Variants in COX7B2 observed in about 807,000 individuals in gnomAD.
The protein encoded by COX7B2 is cytochrome c oxidase subunit 7B2, mitochondrial.
For missense variants in COX7B2, 109 were observed against 95.9 expected, an observed-to-expected ratio of 1.14 and a Z score of -0.57; for synonymous variants, 37 against 32.1, an observed-to-expected ratio of 1.15 and a Z score of -0.51.
At chr4:46,796,199 T>A (rs1375184733) in intron 2 of COX7B2, among the ~76,000 whole-genome samples, 3 of 144,702 alleles carry the variant, frequency 2.1e-5, no homozygotes, top group African/African-American at 8.2e-5. Context: ...TATTTCCTTC[T>A]CCTGCCTGAT....
In COX7B2 at chr4:46,805,313, C is replaced by A. The variant is rs532685181; in HGVS notation, c.-50+39647G>T. Among the ~76,000 whole-genome samples the A allele has an allele frequency of 3.3e-5, 5 of 152,364 alleles. No homozygotes were observed. The South Asian group carries it at 1.0e-3, about 32-fold the overall frequency. ...TCAAGGCCGAGGAGGTGCCGAGAGC[C>A]AGCCAGGGCTGTGAGGGCTGCCAGC... On this transcript the variant is annotated intron_variant, in intron 2 of 2. Coordinates refer to ENST00000355591, the MANE Select transcript of COX7B2 (RefSeq NM_130902.3).
At chr4:46,901,871 G>C (rs1377921400) in intron 1 of COX7B2, among the ~76,000 whole-genome samples, 2 of 152,186 alleles carry the variant, frequency 1.3e-5, no homozygotes, top group African/African-American at 4.8e-5. Flanking sequence ...TTGGGTATTA[G>C]AGTGGAAGTT....
intron 1 of COX7B2, among the ~76,000 whole-genome samples, chr4:46,850,408 G>A (rs924945590): frequency 3.3e-5 from 5 of 152,024 alleles, no homozygotes; most frequent in African/African-American, 1.2e-4. Flanking sequence ...AAGCTGGTGA[G>A]CATTTTCAAG....
intron 2 of COX7B2, among the ~76,000 whole-genome samples, chr4:46,832,184 C>G (rs988153019): frequency 6.6e-6 from 1 of 152,158 alleles, no homozygotes; most frequent in Non-Finnish European, 1.5e-5. Flanking sequence ...CTACTGCTAA[C>G]TCTTTGGGTC....
intron 1 of COX7B2, among the ~76,000 whole-genome samples, chr4:46,861,397 C>T (rs1006028860): frequency 1.3e-5 from 2 of 152,120 alleles, no homozygotes; most frequent in Non-Finnish European, 2.9e-5. Context: ...ACGGAGATTT[C>T]GCTAGACTTA....
intron 1 of COX7B2, among the ~76,000 whole-genome samples, chr4:46,883,863 C>T (rs985060228): frequency 6.6e-6 from 1 of 151,684 alleles, no homozygotes; most frequent in African/African-American, 2.4e-5. Context: ...AAGTTTCAAA[C>T]ATTATCTTGT....
rs142094356 is a variant in COX7B2 at position 46,741,012 on chromosome 4, T to C, written c.-49-5771A>G. 2.8e-3 allele frequency among the ~76,000 whole-genome samples: 432 copies of C among 152,214 alleles called. 2 individuals are homozygous for C. The highest frequency in any genetic ancestry group is 0.01 in the African/African-American group (418 of 41,566). ...TGTGCCACAGAAAGGCAGGTTTAGA[T>C]GCCTGAGTAGAAGGGGGAGGCATCT... On this transcript the variant is annotated intron_variant, in intron 2 of 2. Transcript: ENST00000355591.
chr4:46,829,601 A>G (rs1159321339), intron 2 of COX7B2, among the ~76,000 whole-genome samples: 1 of 152,222 alleles, frequency 6.6e-6, no homozygotes, highest in African/African-American at 2.4e-5. Context: ...ATCTGATGGC[A>G]CTTCATCATG....
At chr4:46,834,510 T>TA (rs928056023) in intron 2 of COX7B2, among the ~76,000 whole-genome samples, 11 of 151,982 alleles carry the variant, frequency 7.2e-5, no homozygotes, top group Admixed American at 1.3e-4. Context: ...CAAATTCACG[T>TA]AAAAAAATGA....
intron 2 of COX7B2, among the ~76,000 whole-genome samples, chr4:46,770,464 C>T (rs1270736032): frequency 6.6e-6 from 1 of 152,024 alleles, no homozygotes; most frequent in Non-Finnish European, 1.5e-5. Context: ...ATTCCAATGG[C>T]ATTTTTCATA....
intron 1 of COX7B2, among the ~76,000 whole-genome samples, chr4:46,908,069 T>A (rs1720517045): frequency 6.6e-6 from 1 of 151,896 alleles, no homozygotes; most frequent in South Asian, 2.1e-4. Context: ...GCCAGGATGG[T>A]CTCGATCTCT....
At chr4:46,850,941 A>T (rs115187664) in intron 1 of COX7B2, among the ~76,000 whole-genome samples, 157 of 152,232 alleles carry the variant, frequency 1.0e-3, no homozygotes, top group African/African-American at 3.6e-3. Flanking sequence ...TTCAACTTAA[A>T]AAAATGATGT....
At chr4:46,892,072 G>A (rs568643321) in intron 1 of COX7B2, among the ~76,000 whole-genome samples, 1 of 152,236 alleles carries the variant, frequency 6.6e-6, no homozygotes, top group South Asian at 2.1e-4. Context: ...AGAATGAATT[G>A]ATCAACATAC....
At chr4:46,895,408 T>C (rs1442083089) in intron 1 of COX7B2, among the ~76,000 whole-genome samples, 1 of 152,154 alleles carries the variant, frequency 6.6e-6, no homozygotes, top group Non-Finnish European at 1.5e-5. Context: ...AAATACCACA[T>C]GTTCTCACTC....
At chr4:46,816,891 T>C (rs751434886) in intron 2 of COX7B2, among the ~76,000 whole-genome samples, 1 of 152,188 alleles carries the variant, frequency 6.6e-6, no homozygotes, top group Non-Finnish European at 1.5e-5. Context: ...TTGTAGCTTG[T>C]TTGTGAGGGT....
chr4:46,895,174 A>G (rs1719676045), intron 1 of COX7B2, among the ~76,000 whole-genome samples: 1 of 152,220 alleles, frequency 6.6e-6, no homozygotes. Flanking sequence ...TCTATTATAA[A>G]GACACATGTA....
chr4:46,786,819 G>A (rs1297603374), intron 2 of COX7B2, among the ~76,000 whole-genome samples: 4 of 152,182 alleles, frequency 2.6e-5, no homozygotes, highest in Non-Finnish European at 4.4e-5. Flanking sequence ...CAGTAGTACA[G>A]ACCATAGTTG....
chr4:46,844,058 A>T (rs1213489920), intron 2 of COX7B2, among the ~76,000 whole-genome samples: 2 of 151,974 alleles, frequency 1.3e-5, no homozygotes, highest in Non-Finnish European at 2.9e-5. Context: ...CATTTGGGTT[A>T]TTTAGTTTCT....
At chr4:46,764,579 C>T (rs1227616567) in intron 2 of COX7B2, among the ~76,000 whole-genome samples, 1 of 151,010 alleles carries the variant, frequency 6.6e-6, no homozygotes, top group Non-Finnish European at 1.5e-5. Flanking sequence ...AAAGAAAATA[C>T]TGCCACATTG....
Sources: allele counts gnomAD v4.1 joint callset (sites outside exome capture counted in the v4.1 genomes callset), GRCh38; gene constraint gnomAD v4.1.1; transcripts MANE v1.5; gene names NCBI Gene and HGNC (gene_info 2026-07-23, HGNC 2026-07-21).